Variants in SIAH2 observed in about 807,000 individuals in gnomAD.
The protein encoded by SIAH2 is E3 ubiquitin-protein ligase SIAH2.
SIAH2 carries 4 observed loss-of-function variants against 20.4 expected under a neutral mutation model. That is an observed-to-expected ratio of 0.20 (90% CI 0.10 to 0.45). The LOEUF is 0.45. Ranked by LOEUF, SIAH2 falls within the 20% of genes least tolerant of loss-of-function variation. SIAH2 has a pLI of 0.99. For synonymous variants in SIAH2, 171 were observed against 192.5 expected (o/e 0.89, Z 0.93); for missense variants, 259 against 440.3 (o/e 0.59, Z 3.69).
intron 1 of SIAH2, among the ~76,000 whole-genome samples, chr3:150,744,124 T>G (rs1426817219): frequency 6.6e-6 from 1 of 152,066 alleles, no homozygotes; most frequent in East Asian, 1.9e-4. Flanking sequence ...ATAGATGAAT[T>G]TATCACTAGC....
At chr3:150,747,000 GC>G (rs1380055669) in intron 1 of SIAH2, among the ~76,000 whole-genome samples, 1 of 152,252 alleles carries the variant, frequency 6.6e-6, no homozygotes, top group Admixed American at 6.5e-5. Context: ...GTCATTTGTG[GC>G]TTCACAAGGA....
In SIAH2 at chr3:150,762,994, C is replaced by G. The variant is rs1484478933; in HGVS notation, c.-145G>C. Reference sequence around the variant, plus strand: ...GTCCGGGCGGCGGAGACGCTCGGCGCCCGGCAGGCGGAGGGCTGGACCGCG... The same window carrying G: ...GTCCGGGCGGCGGAGACGCTCGGCGGCCGGCAGGCGGAGGGCTGGACCGCG... On this transcript the variant is annotated 5_prime_UTR_variant, in exon 1 of 2. Coordinates refer to ENST00000312960, the MANE Select transcript of SIAH2 (RefSeq NM_005067.7). This position sits in a 1 kb window ranked among gnomAD's most constrained non-coding sequence, Gnocchi z 6.6. 11 of 961,006 alleles carry G rather than the reference C, an allele frequency of 1.1e-5. No homozygotes were observed. Among genetic ancestry groups the G allele is most frequent in the Non-Finnish European group, 1.4e-5 (11 of 782,934 alleles). The allele number at this position is 961,006 out of a possible 1,614,324, so 59.5% of individuals were successfully genotyped here. A position where few individuals can be genotyped will look rare whatever the true frequency, so the allele number is the denominator to read the frequency against.
rs774941497 is a variant in SIAH2 at position 150,742,260 on chromosome 3, C to T, written c.856G>A (p.Gly286Ser). Residue 286 changes from glycine to serine, a missense_variant, in exon 2 of 2, where the codon GGT (glycine) becomes AGT (serine). Coordinates refer to ENST00000312960, the MANE Select transcript of SIAH2 (RefSeq NM_005067.7). The surrounding 1 kb of genome is among the most constrained non-coding windows in gnomAD (Gnocchi z 4.8). ...WEATPRSIHD[G>S]VAAAIMNSDC... ...CTGTTCATGATGGCCGCAGCCACAC[C>T]GTCATGAATCGAACGGGGCGTGGCC... 3.1e-6 allele frequency: 5 copies of T among 1,614,176 alleles called. No homozygotes were observed. The highest frequency in any genetic ancestry group is 1.3e-5 in the African/African-American group (1 of 75,040).
intron 1 of SIAH2, among the ~76,000 whole-genome samples, chr3:150,756,377 G>T (rs1714484870): frequency 6.6e-6 from 1 of 152,162 alleles, no homozygotes; most frequent in African/African-American, 2.4e-5. Context: ...AGGACCTTAT[G>T]GGTTTGAATA....
rs568124437 is a variant in SIAH2 at position 150,741,897 on chromosome 3, A to C, written c.*244T>G. On this transcript the variant is annotated 3_prime_UTR_variant, in exon 2 of 2. Coordinates refer to ENST00000312960, the MANE Select transcript of SIAH2 (RefSeq NM_005067.7). ...GTCAAGTGTTGTTTAGGGAGTAAAT[A>C]CAATTCAATAAGAGTTGTTTTAGAT... 2.0e-6 allele frequency: 1 copy of C among 491,728 alleles called. No individual in the cohort carries two copies. Among genetic ancestry groups the C allele is most frequent in the South Asian group, 2.5e-5 (1 of 39,248 alleles). 30.5% of individuals were successfully genotyped at this position (491,728 alleles called of 1,614,324 possible). A position where few individuals can be genotyped will look rare whatever the true frequency, so the allele number is the denominator to read the frequency against.
intron 1 of SIAH2, among the ~76,000 whole-genome samples, chr3:150,760,944 G>C (rs1576584545): frequency 6.6e-6 from 1 of 152,218 alleles, no homozygotes; most frequent in East Asian, 1.9e-4. Flanking sequence ...TATATGAGGA[G>C]GGGTTAACAG....
At chr3:150,745,996 T>A (rs1714203037) in intron 1 of SIAH2, among the ~76,000 whole-genome samples, 1 of 151,932 alleles carries the variant, frequency 6.6e-6, no homozygotes, top group Non-Finnish European at 1.5e-5. Context: ...TGGGACAGGG[T>A]GAGGAGGACA....
chr3:150,760,756 T>C (rs1714590464), intron 1 of SIAH2, among the ~76,000 whole-genome samples: 2 of 152,174 alleles, frequency 1.3e-5, no homozygotes. Context: ...TCCCCAGAAA[T>C]CCTATGGGGC....
intron 1 of SIAH2, among the ~76,000 whole-genome samples, chr3:150,761,264 A>C (rs1398075665): frequency 6.6e-6 from 1 of 152,264 alleles, no homozygotes; most frequent in South Asian, 2.1e-4. Context: ...CTAATTTCAG[A>C]AAATGACTTT....
In SIAH2 at chr3:150,762,637, G is replaced by C; in HGVS notation, c.213C>G (p.His71Gln). ...GGGAGPVSPQ[H>Q]HELTSLFECP... ...ACTCGAAGAGCGAGGTCAGCTCGTGGTGCTGCGGGGACACCGGGCCGGCCC... is the reference window on the plus strand; with the variant it reads ...ACTCGAAGAGCGAGGTCAGCTCGTGCTGCTGCGGGGACACCGGGCCGGCCC... The change falls in exon 1 of 2, where the codon CAC (histidine) becomes CAG (glutamine). Residue 71 changes from histidine (H) to glutamine (Q), a missense_variant. Transcript: ENST00000312960. The surrounding 1 kb of genome is among the most constrained non-coding windows in gnomAD (Gnocchi z 6.6). The C allele has an allele frequency of 6.3e-7, 1 of 1,578,744 alleles. No homozygotes were observed. The highest frequency in any genetic ancestry group is 1.1e-5 in the South Asian group (1 of 87,294).
intron 1 of SIAH2, among the ~76,000 whole-genome samples, chr3:150,755,518 T>C (rs1332022864): frequency 4.0e-5 from 6 of 151,070 alleles, no homozygotes; most frequent in Non-Finnish European, 7.4e-5. Context: ...TATTTATTTA[T>C]TTTTTTTATT....
chr3:150,755,676 C>G (rs1166819556), intron 1 of SIAH2, among the ~76,000 whole-genome samples: 1 of 152,086 alleles, frequency 6.6e-6, no homozygotes, highest in Admixed American at 6.6e-5. Context: ...CGCCACCACG[C>G]CTGGCTAATT....
intron 1 of SIAH2, among the ~76,000 whole-genome samples, chr3:150,759,799 C>T (rs943596234): frequency 6.6e-6 from 1 of 152,094 alleles, no homozygotes; most frequent in Non-Finnish European, 1.5e-5. Flanking sequence ...TCATAGAATG[C>T]TAGAAGCTAC....
chr3:150,762,836 G>A lies in SIAH2; in HGVS notation c.14C>T (p.Ser5Phe). 8.2e-7 allele frequency: 1 copy of A among 1,215,366 alleles called. No individual in the cohort carries two copies. Among genetic ancestry groups the A allele is most frequent in the Non-Finnish European group, 1.0e-6 (1 of 963,200 alleles). The allele number at this position is 1,215,366 out of a possible 1,614,324, so 75.3% of individuals were successfully genotyped here. Residue 5 changes from serine to phenylalanine, a missense_variant, in exon 1 of 2, where the codon TCC becomes TTC. By Grantham distance (155) the Ser-to-Phe change is radical. This residue lies in a region of SIAH2 where 99 missense variants were observed against 112.7 expected (regional missense o/e 0.88). Transcript: ENST00000312960. The surrounding 1 kb of genome is among the most constrained non-coding windows in gnomAD (Gnocchi z 6.6). ...TTTATTAGCGCTGGGGCCGGTGGAG[G>A]ACGGGCGGCTCATCGCGCTCCGAAC... MSRP[S>F]STGPSANKPC...
chr3:150,745,288 C>T (rs1157039449), intron 1 of SIAH2, among the ~76,000 whole-genome samples: 2 of 150,574 alleles, frequency 1.3e-5, no homozygotes, highest in Admixed American at 6.6e-5. Flanking sequence ...CCCCACATTT[C>T]ATACTTCAAG....
chr3:150,752,501 C>T (rs1576582235), intron 1 of SIAH2, among the ~76,000 whole-genome samples: 1 of 151,990 alleles, frequency 6.6e-6, no homozygotes. Flanking sequence ...GCCAGCTAAT[C>T]GGGAGGCTGA....
chr3:150,747,856 C>T (rs1307927162), intron 1 of SIAH2, among the ~76,000 whole-genome samples: 3 of 150,370 alleles, frequency 2.0e-5, no homozygotes, highest in East Asian at 4.0e-4. Flanking sequence ...CCCAGCTACC[C>T]GGGAGGCTAA....
chr3:150,757,155 G>A (rs138455664), intron 1 of SIAH2, among the ~76,000 whole-genome samples: 77 of 152,212 alleles, frequency 5.1e-4, no homozygotes, highest in African/African-American at 1.7e-3. Context: ...GAACAAACAG[G>A]GTCAGGGAAG....
chr3:150,762,767 G>A lies in SIAH2; in HGVS notation c.83C>T (p.Ser28Phe), dbSNP rs576874780. 3 of 1,205,612 alleles carry A rather than the reference G, an allele frequency of 2.5e-6. No homozygotes were observed. The highest frequency in any genetic ancestry group is 3.2e-5 in the African/African-American group (2 of 62,436). 74.7% of individuals were successfully genotyped at this position (1,205,612 alleles called of 1,614,324 possible). ...GGCGGCGGCCGGGGGCGCAGCCGGG[G>A]ACGGAGTGTGCTGGGGCTGCGGCGG... The part of the protein sequence containing the change: ...QPPPQPQHTP[S>F]PAAPPAAATI... The change falls in exon 1 of 2, where the codon TCC becomes TTC. Residue 28 changes from serine (S) to phenylalanine (F), a missense_variant. Transcript: ENST00000312960. This position sits in a 1 kb window ranked among gnomAD's most constrained non-coding sequence, Gnocchi z 6.6.
Sources: allele counts gnomAD v4.1 joint callset (sites outside exome capture counted in the v4.1 genomes callset), GRCh38; gene constraint gnomAD v4.1.1; regional missense constraint gnomAD v4.1.1; non-coding constraint Gnocchi (gnomAD v3.1); transcripts MANE v1.5; gene names NCBI Gene and HGNC (gene_info 2026-07-23, HGNC 2026-07-21).